Variants in PCDHA8 observed in about 807,000 individuals in gnomAD.
The protein encoded by PCDHA8 is protocadherin alpha-8.
PCDHA8 carries 53 observed loss-of-function variants against 61.8 expected under a neutral mutation model. That is an observed-to-expected ratio of 0.86 (90% CI 0.69 to 1.08). The LOEUF is 1.08. PCDHA8 is among the 50% of genes least tolerant of loss of function. The pLI, the probability that PCDHA8 is intolerant of heterozygous loss-of-function variation, is 0.00. For missense variants in PCDHA8, 1,293 were observed against 1,245.0 expected (o/e 1.04, Z -0.58); for synonymous variants, 618 against 556.6 (o/e 1.11, Z -1.55).
chr5:140,912,918 G>A (rs1302662045), intron 1 of PCDHA8, among the ~76,000 whole-genome samples: 16 of 152,284 alleles, frequency 1.1e-4, no homozygotes, highest in Middle Eastern at 3.4e-3. Flanking sequence ...ATTGATTTGT[G>A]TATGTTGAAT....
chr5:140,995,265 G>A (rs1293855932), intron 3 of PCDHA8, among the ~76,000 whole-genome samples: 1 of 152,102 alleles, frequency 6.6e-6, no homozygotes, highest in African/African-American at 2.4e-5. Context: ...TTGAATACAA[G>A]CCCTTTGATA....
intron 1 of PCDHA8, among the ~76,000 whole-genome samples, chr5:140,975,809 TA>T (rs146252033): frequency 0.06 from 9,090 of 152,310 alleles, 381 homozygotes; most frequent in East Asian, 0.11. Context: ...TTTATAATTT[TA>T]ATAGGAACTG....
chr5:140,884,021 G>C, intron 1 of PCDHA8: 1 of 1,613,318 alleles, frequency 6.2e-7, no homozygotes, highest in Non-Finnish European at 8.5e-7. Flanking sequence ...GCCGCGGTCG[G>C]TGGGTGCAGG....
intron 1 of PCDHA8, chr5:140,856,917 G>T: frequency 6.3e-7 from 1 of 1,595,592 alleles, no homozygotes; most frequent in South Asian, 1.1e-5. Flanking sequence ...ACGATAAGAA[G>T]GAAATTTTGG....
chr5:140,917,999 A>T (rs1292582356), intron 1 of PCDHA8, among the ~76,000 whole-genome samples: 2 of 152,162 alleles, frequency 1.3e-5, no homozygotes, highest in African/African-American at 4.8e-5. Context: ...GGTTATCTTA[A>T]CAATGTTGTT....
intron 1 of PCDHA8, chr5:140,871,653 C>G (rs2053243834): frequency 3.2e-6 from 4 of 1,244,250 alleles, no homozygotes; most frequent in Non-Finnish European, 4.4e-6. Flanking sequence ...CCAAATGATA[C>G]ACATCTTCAG....
rs1458420006 is a variant in PCDHA8 at position 140,928,100 on chromosome 5, T to A, written c.2395-50849T>A. On this transcript the variant is annotated intron_variant, in intron 1 of 3. Transcript: ENST00000531613. Reference sequence around the variant, plus strand: ...TACAGCCTGCTGATTGATGGGCCCCTGGACCGGGAGCAGATCAGTGAATAC... The same window carrying A: ...TACAGCCTGCTGATTGATGGGCCCCAGGACCGGGAGCAGATCAGTGAATAC... 2.3e-5 allele frequency: 37 copies of A among 1,614,090 alleles called. No individual in the cohort carries two copies. Among genetic ancestry groups the A allele is most frequent in the Non-Finnish European group, 2.9e-5 (34 of 1,180,048 alleles).
intron 1 of PCDHA8, chr5:140,871,583 T>C (rs782012993): frequency 2.0e-6 from 3 of 1,468,262 alleles, no homozygotes; most frequent in Non-Finnish European, 9.0e-7. Flanking sequence ...TAAGGGAAAG[T>C]TTTATGAATA....
At chr5:140,989,531 G>C (rs782610172) in intron 3 of PCDHA8, among the ~76,000 whole-genome samples, 1 of 152,198 alleles carries the variant, frequency 6.6e-6, no homozygotes, top group Non-Finnish European at 1.5e-5. Flanking sequence ...AGAGGAGGAA[G>C]ATAGTTTGTA....
At chr5:140,948,856 ATATTACTTCGGGTTTACTTT>A (rs1364138889) in intron 1 of PCDHA8, among the ~76,000 whole-genome samples, 11 of 151,588 alleles carry the variant, frequency 7.3e-5, no homozygotes, top group African/African-American at 2.7e-4. Context: ...TTGCCTTCTT[ATATTACTTCGGGTTTACTTT>A]GCTCTCTTTT....
Position 140,857,830 on chromosome 5 carries a change from C to G in PCDHA8, c.2394+14115C>G, listed in dbSNP as rs782060681. On this transcript the variant is annotated intron_variant, in intron 1 of 3. Coordinates refer to ENST00000531613, the MANE Select transcript of PCDHA8 (RefSeq NM_018911.3). ...CGGGTCACGTGGTGGCTAAGGTGCG[C>G]GCAGTGGACGCTGACTCTGGATACA... is the stretch of plus-strand genomic sequence containing the variant. 1.6e-5 allele frequency: 26 copies of G among 1,597,596 alleles called. 3 individuals carry two copies. The highest frequency in any genetic ancestry group is 2.1e-5 in the Non-Finnish European group (25 of 1,167,516).
intron 1 of PCDHA8, among the ~76,000 whole-genome samples, chr5:140,920,752 G>A (rs2079807244): frequency 6.6e-6 from 1 of 151,768 alleles, no homozygotes; most frequent in African/African-American, 2.4e-5. Context: ...GCTGAGGCAG[G>A]AGAATTGCTT....
chr5:140,882,681 A>G, intron 1 of PCDHA8: 1 of 1,614,176 alleles, frequency 6.2e-7, no homozygotes, highest in Non-Finnish European at 8.5e-7. Context: ...GAAAGCAAGA[A>G]ACGAATAATC....
At chr5:140,875,304 A>AC in intron 1 of PCDHA8, 4 of 1,416,396 alleles carry the variant, frequency 2.8e-6, no homozygotes, top group Non-Finnish European at 3.7e-6. Flanking sequence ...TTTTCTCCGC[A>AC]CCCACATTCC....
intron 1 of PCDHA8, among the ~76,000 whole-genome samples, chr5:140,957,164 T>C (rs2095337835): frequency 6.6e-6 from 1 of 152,148 alleles, no homozygotes; most frequent in Non-Finnish European, 1.5e-5. Flanking sequence ...CAAATCTAAG[T>C]ATATAAATTG....
chr5:141,009,372 T>C (rs1026606654), intron 3 of PCDHA8, among the ~76,000 whole-genome samples: 3 of 152,152 alleles, frequency 2.0e-5, no homozygotes, highest in Non-Finnish European at 1.5e-5. Context: ...GATGGGAGGA[T>C]TGATTGAGCA....
intron 1 of PCDHA8, chr5:140,870,821 G>A (rs782742871): frequency 6.2e-7 from 1 of 1,613,736 alleles, no homozygotes; most frequent in South Asian, 1.1e-5. Flanking sequence ...GGCAGCGCGG[G>A]AGGCGCAGTT....
chr5:140,923,155 A>G (rs1316496589), intron 1 of PCDHA8, among the ~76,000 whole-genome samples: 4 of 152,236 alleles, frequency 2.6e-5, no homozygotes, highest in Non-Finnish European at 5.9e-5. Context: ...AAAAAATTAT[A>G]GAAAGATAAA....
intron 1 of PCDHA8, chr5:140,928,939 T>G (rs367874769): frequency 6.2e-7 from 1 of 1,614,012 alleles, no homozygotes; most frequent in African/African-American, 1.3e-5. Context: ...CCAGAACTTG[T>G]ATTTAGTAAT....
Sources: allele counts gnomAD v4.1 joint callset (sites outside exome capture counted in the v4.1 genomes callset), GRCh38; gene constraint gnomAD v4.1.1; transcripts MANE v1.5; gene names NCBI Gene and HGNC (gene_info 2026-07-23, HGNC 2026-07-21).